TPRA1: variants seen among roughly 807,000 people sequenced by gnomAD.
TPRA1 encodes the protein transmembrane protein adipocyte-associated 1.
A neutral mutation model predicts 40.1 loss-of-function variants in TPRA1; 28 were observed. The observed-to-expected ratio is 0.70, with a 90% CI of 0.52 to 0.96. The LOEUF is 0.96. TPRA1 is among the 40% of genes least tolerant of loss of function. TPRA1 has a pLI of 0.00. For missense variants in TPRA1, 441 were observed against 482.6 expected (o/e 0.91, Z 0.81); for synonymous variants, 219 against 209.7 (o/e 1.04, Z -0.38).
At chr3:127,593,042 C>G (rs974227037), upstream of TPRA1, among the ~76,000 whole-genome samples, 1 of 152,178 alleles carries the variant, frequency 6.6e-6, no homozygotes, top group African/African-American at 2.4e-5. Context: ...CCTTTTGAGA[C>G]TTGGAGAATT....
At chr3:127,588,431 T>TG (rs1290960384) in intron 1 of TPRA1, among the ~76,000 whole-genome samples, 1 of 151,344 alleles carries the variant, frequency 6.6e-6, no homozygotes, top group African/African-American at 2.4e-5. Flanking sequence ...TTTTTTTTTT[T>TG]TTTTTTTGAG....
intron 1 of TPRA1, among the ~76,000 whole-genome samples, chr3:127,589,360 G>C (rs1409506728): frequency 1.3e-5 from 2 of 151,396 alleles, no homozygotes; most frequent in African/African-American, 4.9e-5. Flanking sequence ...GGGGAGAGGG[G>C]CCCTCAGTGC....
intron 1 of TPRA1, among the ~76,000 whole-genome samples, chr3:127,586,183 C>T (rs569995249): frequency 2.0e-5 from 3 of 152,274 alleles, no homozygotes; most frequent in East Asian, 1.9e-4. Context: ...TGGGCCACCA[C>T]GCTGAGCATG....
intron 10 of TPRA1, 48 bp from the exon 11 acceptor site, chr3:127,573,836 G>T: frequency 1.3e-6 from 2 of 1,517,842 alleles, no homozygotes; most frequent in Non-Finnish European, 1.8e-6. Flanking sequence ...AGTGATTCAG[G>T]AAGAGCCTTC....
At position 127,575,187 on chromosome 3, in the gene TPRA1, G is replaced by A. The variant is rs1376788635; in HGVS notation, c.852C>T (p.Phe284=). ...LIYVAFLRGF[F]GSEPKILFSY... Reference sequence around the variant, plus strand: ...GGCGCCGGCGGCCACAGACTCACCCGAAGAAGCCCCGGAGGAAAGCCACGT... The same window carrying A: ...GGCGCCGGCGGCCACAGACTCACCCAAAGAAGCCCCGGAGGAAAGCCACGT... The change falls in exon 10 of 11, where the codon TTC becomes TTT. Residue 284 remains phenylalanine, a splice_region_variant and synonymous_variant. Coordinates refer to ENST00000355552, the MANE Select transcript of TPRA1 (RefSeq NM_001136053.4). 3.1e-6 allele frequency: 5 copies of A among 1,613,748 alleles called. No individual in the cohort carries two copies. The highest frequency in any genetic ancestry group is 4.2e-6 in the Non-Finnish European group (5 of 1,179,950).
intron 1 of TPRA1, among the ~76,000 whole-genome samples, chr3:127,583,315 GAA>G (rs775630228): frequency 1.5e-5 from 2 of 137,148 alleles, no homozygotes. Context: ...CTCCATCTCA[GAA>G]AAAAAAAAAA....
chr3:127,595,448 C>T (rs750633721), upstream of TPRA1: 2 of 152,412 alleles, frequency 1.3e-5, no homozygotes, highest in Non-Finnish European at 2.9e-5. Flanking sequence ...TCCCTGCATC[C>T]TACCTGTCAA....
At position 127,573,185 on chromosome 3, in the gene TPRA1, A is replaced by C; in HGVS notation, c.*336T>G. ...AGCACCATGGGGATGGGATGGAGGC[A>C]TTGGGAGAGCCAGCCCTGCCCTCGT... On this transcript the variant is annotated 3_prime_UTR_variant, in exon 11 of 11. Transcript: ENST00000355552. 1.2e-5 allele frequency: 3 copies of C among 247,378 alleles called. No individual in the cohort carries two copies. Among genetic ancestry groups the C allele is most frequent in the African/African-American group, 2.2e-5 (1 of 45,756 alleles). The allele number at this position is 247,378 out of a possible 1,614,324, so 15.3% of individuals were successfully genotyped here.
At chr3:127,598,226 G>A (rs775550056), upstream of TPRA1, 3 of 600,880 alleles carry the variant, frequency 5.0e-6, no homozygotes, top group South Asian at 1.9e-5. Context: ...CAGCGCAGGC[G>A]AGCGCACGCG....
At chr3:127,583,808 C>T (rs915045746) in intron 1 of TPRA1, among the ~76,000 whole-genome samples, 22 of 151,950 alleles carry the variant, frequency 1.4e-4, no homozygotes, top group Non-Finnish European at 2.8e-4. Flanking sequence ...GTAGCTGGGG[C>T]TACAGGCACG....
upstream of TPRA1, among the ~76,000 whole-genome samples, chr3:127,593,671 C>T (rs1054556664): frequency 9.9e-5 from 15 of 152,050 alleles, no homozygotes; most frequent in African/African-American, 3.6e-4. Flanking sequence ...TGGAGGGTAT[C>T]CCCCACCATG....
chr3:127,597,705 G>C (rs1160499940), intron 1 of TPRA1, among the ~76,000 whole-genome samples: 1 of 152,184 alleles, frequency 6.6e-6, no homozygotes, highest in East Asian at 1.9e-4. Flanking sequence ...TCCCAGAGTT[G>C]TCCAGCTGCT....
In TPRA1 at chr3:127,573,493, T is replaced by C; in HGVS notation, c.*28A>G. 6.3e-7 allele frequency: 1 copy of C among 1,597,094 alleles called. No homozygotes were observed. On this transcript the variant is annotated 3_prime_UTR_variant, in exon 11 of 11. Transcript: ENST00000355552. ...GGGCCTGCTGGCCTCCTCTCTGGCCTGTCCTCCACAGGCCCTGGCAGCTGC... is the reference window on the plus strand; with the variant it reads ...GGGCCTGCTGGCCTCCTCTCTGGCCCGTCCTCCACAGGCCCTGGCAGCTGC...
In TPRA1 at chr3:127,579,620, T is replaced by C; in HGVS notation, c.258+120A>G. The C allele has an allele frequency of 1.8e-6, 2 of 1,130,466 alleles. 1 individual carries two copies. The highest frequency in any genetic ancestry group is 3.0e-5 in the South Asian group (2 of 66,000). 70.0% of individuals were successfully genotyped at this position (1,130,466 alleles called of 1,614,324 possible). Reference sequence around the variant, plus strand: ...GAGATGCAGAAACAGATCCTAACGATATCATTTAACTGCCTGGATCCAGCC... The same window carrying C: ...GAGATGCAGAAACAGATCCTAACGACATCATTTAACTGCCTGGATCCAGCC... On this transcript the variant is annotated intron_variant, in intron 3 of 10. Coordinates refer to ENST00000355552, the MANE Select transcript of TPRA1 (RefSeq NM_001136053.4).
chr3:127,582,800 A>G (rs1160786204), intron 1 of TPRA1, among the ~76,000 whole-genome samples: 12 of 151,076 alleles, frequency 7.9e-5, no homozygotes, highest in African/African-American at 1.9e-4. Context: ...TGGGAGTTTG[A>G]GGCCAGACTG....
chr3:127,596,038 G>T (rs1402636993), intron 1 of TPRA1, among the ~76,000 whole-genome samples: 1 of 152,172 alleles, frequency 6.6e-6, no homozygotes, highest in African/African-American at 2.4e-5. Flanking sequence ...CACAGACACC[G>T]AGACAGTGGG....
At chr3:127,597,733 G>T (rs1471692321) in intron 1 of TPRA1, among the ~76,000 whole-genome samples, 1 of 152,108 alleles carries the variant, frequency 6.6e-6, no homozygotes, top group African/African-American at 2.4e-5. Context: ...TTGAGCCTTT[G>T]AGCTTTGGGA....
intron 1 of TPRA1, among the ~76,000 whole-genome samples, chr3:127,584,760 G>C (rs1011905970): frequency 7.2e-5 from 11 of 152,150 alleles, no homozygotes; most frequent in African/African-American, 2.4e-4. Context: ...TAATCCCATG[G>C]TGTGAAGACA....
At position 127,575,257 on chromosome 3, in the gene TPRA1, T is replaced by A; in HGVS notation, c.782A>T (p.Asp261Val). The A allele has an allele frequency of 6.2e-7, 1 of 1,613,882 alleles. No individual in the cohort carries two copies. ...GCTGAAGTACAGGAAGGTTGTGGCA[T>A]CTACACAGCTGCGGAGAAGGCGGGT... Reference protein sequence around the residue: ...FDIIEGLCCVDATTFLYFSFF... With the variant: ...FDIIEGLCCVVATTFLYFSFF... Residue 261 changes from aspartate to valine, a missense_variant, in exon 10 of 11, where the codon GAT (aspartate) becomes GTT (valine). Physicochemically the swap from Asp to Val is radical, Grantham distance 152 (BLOSUM62 -3). Coordinates refer to ENST00000355552, the MANE Select transcript of TPRA1 (RefSeq NM_001136053.4).
Sources: allele counts gnomAD v4.1 joint callset (sites outside exome capture counted in the v4.1 genomes callset), GRCh38; gene constraint gnomAD v4.1.1; transcripts MANE v1.5; gene names NCBI Gene and HGNC (gene_info 2026-07-23, HGNC 2026-07-21).